CCDC27: variants seen among roughly 807,000 people sequenced by gnomAD.
The protein encoded by CCDC27 is coiled-coil domain-containing protein 27.
Under a neutral mutation model 80.3 loss-of-function variants are expected in CCDC27, and 80 were observed. The observed-to-expected ratio is 1.00, with a 90% CI of 0.83 to 1.20. The LOEUF (loss-of-function observed/expected upper bound fraction) is 1.20, where lower values mean the gene tolerates loss of function less well. Ranked by LOEUF, CCDC27 falls within the 50% of genes most tolerant of loss-of-function variation. The pLI, the probability that CCDC27 is intolerant of heterozygous loss-of-function variation, is 0.00. For missense variants in CCDC27, 815 were observed against 809.4 expected (o/e 1.01, Z -0.08); for synonymous variants, 342 against 334.3 (o/e 1.02, Z -0.25).
rs764935787 is a variant in CCDC27 at position 3,771,512 on chromosome 1, A to G, written c.1960A>G (p.Thr654Ala). The G allele has an allele frequency of 6.2e-7, 1 of 1,613,472 alleles. No individual in the cohort carries two copies. The highest frequency in any genetic ancestry group is 2.2e-5 in the East Asian group (1 of 44,874). ...CCTGACCAGCAAATCCAAGAAGGGG[A>G]CCTCCAAGTAGGCCCAGCCAGGCCC... The part of the protein sequence containing the change: ...AFLTSKSKKG[T>A]SK Residue 654 changes from threonine (T) to alanine (A), a missense_variant, in exon 12 of 12, where the codon ACC (threonine) becomes GCC (alanine). By Grantham distance (58) the Thr-to-Ala change is moderately conservative. Transcript: ENST00000294600.
At position 3,752,481 on chromosome 1, in the gene CCDC27, C is replaced by T; in HGVS notation, c.-1C>T. 3 of 1,613,504 alleles carry T rather than the reference C, an allele frequency of 1.9e-6. No individual in the cohort carries two copies. Among genetic ancestry groups the T allele is most frequent in the Non-Finnish European group, 2.5e-6 (3 of 1,179,712 alleles). ...CTCCCACTGCACCAGCCAGCAGGTT[C>T]ATGTTCGAGGCCATCTTCCCCTCCA... On this transcript the variant is annotated 5_prime_UTR_variant, in exon 1 of 12. Coordinates refer to ENST00000294600, the MANE Select transcript of CCDC27 (RefSeq NM_152492.3).
chr1:3,765,146 G>C (rs982063368), intron 8 of CCDC27, among the ~76,000 whole-genome samples: 2 of 151,940 alleles, frequency 1.3e-5, no homozygotes, highest in African/African-American at 4.8e-5. Context: ...TAGCATTCCT[G>C]TTTGAAAACC....
rs774685919 is a variant in CCDC27 at position 3,761,235 on chromosome 1, G to A, written c.712-46G>A. ...GCTGGAGGCAGGTCAGGGGAAGAGT[G>A]TGTGGCTGCATGGCCCACGGGGGCT... is the stretch of plus-strand genomic sequence containing the variant. On this transcript the variant is annotated intron_variant, in intron 4 of 11. Transcript: ENST00000294600. The surrounding 1 kb of genome is among the most constrained non-coding windows in gnomAD (Gnocchi z 5.0). The A allele has an allele frequency of 5.6e-6, 9 of 1,600,726 alleles. 1 individual carries two copies. In the South Asian group the frequency reaches 9.0e-5, roughly 16 times the overall value.
chr1:3,768,913 A>G lies in CCDC27; in HGVS notation c.1744-870A>G, dbSNP rs191891229. Reference sequence around the variant, plus strand: ...TGGGCGCTCAATAAATACTGGAAAGAAGGAAAGGATTCCACTCCTCACACA... The same window carrying G: ...TGGGCGCTCAATAAATACTGGAAAGGAGGAAAGGATTCCACTCCTCACACA... On this transcript the variant is annotated intron_variant, in intron 10 of 11. Transcript: ENST00000294600. The surrounding 1 kb of genome is among the most constrained non-coding windows in gnomAD (Gnocchi z 5.6). Among the ~76,000 whole-genome samples the G allele has an allele frequency of 8.5e-5, 13 of 152,262 alleles. No homozygotes were observed. Among genetic ancestry groups the G allele is most frequent in the Admixed American group, 7.2e-4 (11 of 15,284 alleles).
chr1:3,762,187 A>T (rs1158994140), intron 5 of CCDC27, among the ~76,000 whole-genome samples: 2 of 152,182 alleles, frequency 1.3e-5, no homozygotes, highest in African/African-American at 2.4e-5. Context: ...TGACCATGCC[A>T]ACTGCCCTAA....
intron 3 of CCDC27, 169 bp from the exon 4 acceptor site, chr1:3,756,564 G>A (rs1642959200): frequency 1.3e-5 from 9 of 667,920 alleles, no homozygotes; most frequent in Non-Finnish European, 1.3e-5. Flanking sequence ...GCACCACACT[G>A]TGTCCTCAAA....
chr1:3,753,320 CTTTT>C (rs71580220), intron 1 of CCDC27, among the ~76,000 whole-genome samples: 2 of 94,994 alleles, frequency 2.1e-5, no homozygotes, highest in African/African-American at 1.1e-4. Flanking sequence ...TTTTCTTTTT[CTTTT>C]TTTTTTTTTT....
intron 2 of CCDC27, among the ~76,000 whole-genome samples, chr1:3,754,610 C>T (rs1413526739): frequency 6.6e-6 from 1 of 152,122 alleles, no homozygotes; most frequent in African/African-American, 2.4e-5. Flanking sequence ...GGGACAGTGC[C>T]CCTGGGGAGC....
In CCDC27 at chr1:3,771,545, C is replaced by T. The variant is rs917868301; in HGVS notation, c.*22C>T. The T allele has an allele frequency of 1.2e-6, 2 of 1,612,100 alleles. No homozygotes were observed. The highest frequency in any genetic ancestry group is 1.7e-6 in the Non-Finnish European group (2 of 1,179,812). Reference sequence around the variant, plus strand: ...GTAGGCCCAGCCAGGCCCCCAAATACGGTCAGCCCAGCAGAGGCCGGGGCC... The same window carrying T: ...GTAGGCCCAGCCAGGCCCCCAAATATGGTCAGCCCAGCAGAGGCCGGGGCC... On this transcript the variant is annotated 3_prime_UTR_variant, in exon 12 of 12. Transcript: ENST00000294600.
In CCDC27 at chr1:3,763,527, C is replaced by A; in HGVS notation, c.1321+53C>A. ...TTTGGCCACTCAGTGGTTCCCGGCC[C>A]AGGAGCTGGGACGCCCAGACGCTGC... On this transcript the variant is annotated intron_variant, in intron 7 of 11. Transcript: ENST00000294600. This position sits in a 1 kb window ranked among gnomAD's most constrained non-coding sequence, Gnocchi z 7.5. 2.6e-6 allele frequency: 4 copies of A among 1,550,754 alleles called. No individual in the cohort carries two copies. Among genetic ancestry groups the A allele is most frequent in the South Asian group, 1.2e-5 (1 of 80,494 alleles).
In CCDC27 at chr1:3,768,864, C is replaced by G. The variant is rs975752498; in HGVS notation, c.1744-919C>G. ...CCTTGTGACCTCACGACCTCCAGCA[C>G]CTGGCACGGTGTTTGTACAAAGTTG... is the stretch of plus-strand genomic sequence containing the variant. On this transcript the variant is annotated intron_variant, in intron 10 of 11. Transcript: ENST00000294600. The surrounding 1 kb of genome is among the most constrained non-coding windows in gnomAD (Gnocchi z 5.6). 2.0e-5 allele frequency among the ~76,000 whole-genome samples: 3 copies of G among 152,202 alleles called. No homozygotes were observed. Among genetic ancestry groups the G allele is most frequent in the African/African-American group, 4.8e-5 (2 of 41,456 alleles).
intron 2 of CCDC27, among the ~76,000 whole-genome samples, 171 bp downstream of exon 2, chr1:3,754,412 T>A (rs575762211): frequency 3.3e-5 from 5 of 152,222 alleles, no homozygotes; most frequent in African/African-American, 1.2e-4. Context: ...AGGGCAGCAA[T>A]GAAGCTGGGG....
chr1:3,755,740 T>C (rs982600130), intron 3 of CCDC27, 173 bp downstream of exon 3: 9 of 607,748 alleles, frequency 1.5e-5, no homozygotes, highest in Non-Finnish European at 2.6e-5. Flanking sequence ...TAGCCCTGCC[T>C]TCCCTGACAG....
In CCDC27 at chr1:3,768,356, C is replaced by T. The variant is rs753723928; in HGVS notation, c.1743+911C>T. Among the ~76,000 whole-genome samples, 15 of 152,184 alleles carry T rather than the reference C, an allele frequency of 9.9e-5. No individual in the cohort carries two copies. Among genetic ancestry groups the T allele is most frequent in the East Asian group, 3.9e-4 (2 of 5,158 alleles). On this transcript the variant is annotated intron_variant, in intron 10 of 11. Transcript: ENST00000294600. This position sits in a 1 kb window ranked among gnomAD's most constrained non-coding sequence, Gnocchi z 5.6. ...CAGCAATCTGCCTGCCTTGGCCTCC[C>T]GAAGTGTTGGGAATACAGGTGTGAG...
intron 4 of CCDC27, among the ~76,000 whole-genome samples, chr1:3,757,392 C>T (rs1642983564): frequency 6.6e-6 from 1 of 151,844 alleles, no homozygotes; most frequent in Admixed American, 6.6e-5. Flanking sequence ...GAAAACAGTT[C>T]CTTTTTTCTT....
intron 6 of CCDC27, 71 bp downstream of exon 6, chr1:3,762,783 A>C: frequency 2.9e-6 from 4 of 1,359,604 alleles, no homozygotes; most frequent in Non-Finnish European, 4.0e-6. Context: ...CTGCTTAACT[A>C]AGAGGCCCAG....
intron 3 of CCDC27, 148 bp from the exon 4 acceptor site, chr1:3,756,583 GAC>G: frequency 5.1e-6 from 4 of 780,282 alleles, no homozygotes; most frequent in Middle Eastern, 4.0e-4. Context: ...AAATGAGGGT[GAC>G]AAGAGTTAGG....
In CCDC27 at chr1:3,761,559, G is replaced by A; in HGVS notation, c.861+129G>A. The A allele has an allele frequency of 9.2e-7, 1 of 1,084,690 alleles. No individual in the cohort carries two copies. Among genetic ancestry groups the A allele is most frequent in the Non-Finnish European group, 1.3e-6 (1 of 768,664 alleles). 67.2% of individuals were successfully genotyped at this position (1,084,690 alleles called of 1,614,324 possible). A position where few individuals can be genotyped will look rare whatever the true frequency, so the allele number is the denominator to read the frequency against. ...CCCTGGATCCTATCAGGTCCTCACTGGAACGTGGACCGGTTCTCAGGGTTC... is the reference window on the plus strand; with the variant it reads ...CCCTGGATCCTATCAGGTCCTCACTAGAACGTGGACCGGTTCTCAGGGTTC... On this transcript the variant is annotated intron_variant, in intron 5 of 11. Transcript: ENST00000294600. This position sits in a 1 kb window ranked among gnomAD's most constrained non-coding sequence, Gnocchi z 5.0.
At position 3,761,529 on chromosome 1, in the gene CCDC27, A is replaced by AG; in HGVS notation, c.861+101dup. 7.1e-7 allele frequency: 1 copy of AG among 1,408,212 alleles called. No homozygotes were observed. The highest frequency in any genetic ancestry group is 9.6e-7 in the Non-Finnish European group (1 of 1,040,770). 87.2% of individuals were successfully genotyped at this position (1,408,212 alleles called of 1,614,324 possible). ...ACACACAGGCCCCTGGCAAACCCCC[A>AG]GGCCCCCTGGATCCTATCAGGTCCT... On this transcript the variant is annotated intron_variant, in intron 5 of 11. Transcript: ENST00000294600. This position sits in a 1 kb window ranked among gnomAD's most constrained non-coding sequence, Gnocchi z 5.0.
Sources: gnomAD v4.1 joint callset for allele counts (sites outside exome capture counted in the v4.1 genomes callset) on GRCh38, gnomAD v4.1.1 for gene constraint, Gnocchi (gnomAD v3.1) non-coding constraint, MANE v1.5 for transcripts, NCBI Gene and HGNC (gene_info 2026-07-23, HGNC 2026-07-21) for gene names.